The following CSMD1 variants were observed in gnomAD, a reference collection of about 807,000 sequenced individuals.
The protein encoded by CSMD1 is CUB and Sushi multiple domains 1.
In CSMD1, 213 loss-of-function variants were observed where a neutral mutation model predicts 417.5. That is an observed-to-expected ratio of 0.51 (90% confidence interval 0.46 to 0.57). CSMD1 has a LOEUF of 0.57. Among genes scored for constraint, CSMD1 ranks in the 20% least tolerant of loss-of-function variants. The pLI is 0.00. For synonymous variants in CSMD1, 2,862 were observed against 1,736.8 expected (o/e 1.65, Z -16.11); for missense variants, 6,923 against 4,529.7 (o/e 1.53, Z -15.17).
At chr8:4,605,033 C>G (rs1734482126) in intron 2 of CSMD1, among the ~76,000 whole-genome samples, 1 of 152,172 alleles carries the variant, frequency 6.6e-6, no homozygotes, top group African/African-American at 2.4e-5. Flanking sequence ...CCCATGATAT[C>G]TGTGGCTGGC....
chr8:4,135,324 G>A (rs537723000), intron 3 of CSMD1, among the ~76,000 whole-genome samples: 50 of 91,594 alleles, frequency 5.5e-4, no homozygotes, highest in African/African-American at 1.7e-3. Flanking sequence ...AGGGAGGAGC[G>A]AAGGAAGGGG....
At chr8:3,564,964 G>C (rs1171013403) in intron 10 of CSMD1, among the ~76,000 whole-genome samples, 1 of 150,622 alleles carries the variant, frequency 6.6e-6, no homozygotes, top group East Asian at 2.0e-4. Flanking sequence ...TAAGATTAAT[G>C]ATGAATAGCT....
At chr8:4,614,406 G>T (rs1274540658) in intron 2 of CSMD1, among the ~76,000 whole-genome samples, 3 of 152,128 alleles carry the variant, frequency 2.0e-5, no homozygotes, top group Non-Finnish European at 4.4e-5. Context: ...AGATATTAAG[G>T]TCAGAAAATC....
At chr8:4,198,086 C>G (rs559532676) in intron 3 of CSMD1, among the ~76,000 whole-genome samples, 1 of 152,192 alleles carries the variant, frequency 6.6e-6, no homozygotes, top group Admixed American at 6.5e-5. Flanking sequence ...CGAGGGAAGT[C>G]TGGGAGTCTG....
intron 3 of CSMD1, among the ~76,000 whole-genome samples, chr8:4,182,027 T>A (rs1371199104): frequency 1.7e-5 from 2 of 116,658 alleles, no homozygotes; most frequent in East Asian, 2.3e-4. Flanking sequence ...TACACACCCG[T>A]GTGTGTGTGT....
chr8:4,453,976 C>T (rs1014094379), intron 2 of CSMD1, among the ~76,000 whole-genome samples: 2 of 151,566 alleles, frequency 1.3e-5, no homozygotes, highest in African/African-American at 4.8e-5. Context: ...CGCCCGCCAC[C>T]GCGCCCGGCT....
chr8:4,113,393 T>C, intron 3 of CSMD1, among the ~76,000 whole-genome samples: 1 of 6,068 alleles, frequency 1.6e-4, no homozygotes, highest in Non-Finnish European at 8.4e-4. Context: ...AAAAGGGCTT[T>C]TTTTTTTTTT....
At chr8:4,574,975 T>C (rs1328612264) in intron 2 of CSMD1, among the ~76,000 whole-genome samples, 1 of 152,210 alleles carries the variant, frequency 6.6e-6, no homozygotes, top group Non-Finnish European at 1.5e-5. Flanking sequence ...GAAATTCAGG[T>C]GAAATTCGGT....
At chr8:3,174,947 G>A (rs1024638918) in intron 37 of CSMD1, among the ~76,000 whole-genome samples, 1 of 151,962 alleles carries the variant, frequency 6.6e-6, no homozygotes, top group Non-Finnish European at 1.5e-5. Context: ...ATTTGTTCAT[G>A]ACATATTTTT....
chr8:3,292,268 A>G (rs943798843), intron 25 of CSMD1, among the ~76,000 whole-genome samples: 2 of 152,160 alleles, frequency 1.3e-5, no homozygotes, highest in Non-Finnish European at 2.9e-5. Context: ...GTTTTGGAGT[A>G]GGTGTGGTGT....
chr8:3,497,688 C>A (rs1212978083), intron 10 of CSMD1, among the ~76,000 whole-genome samples: 1 of 152,186 alleles, frequency 6.6e-6, no homozygotes, highest in Non-Finnish European at 1.5e-5. Context: ...TATGCCTTTA[C>A]AGGTGCAGTG....
chr8:3,752,730 C>T (rs932474958), intron 6 of CSMD1, among the ~76,000 whole-genome samples: 8 of 149,480 alleles, frequency 5.4e-5, no homozygotes, highest in African/African-American at 1.2e-4. Flanking sequence ...CGAATTTGCC[C>T]CTGGATTCTG....
chr8:4,705,542 T>C (rs1245844551), intron 1 of CSMD1, among the ~76,000 whole-genome samples: 1 of 152,214 alleles, frequency 6.6e-6, no homozygotes, highest in African/African-American at 2.4e-5. Flanking sequence ...TACCCCTAGA[T>C]TCTACTACGG....
chr8:4,767,763 G>C (rs547780601), intron 1 of CSMD1, among the ~76,000 whole-genome samples: 3 of 152,092 alleles, frequency 2.0e-5, no homozygotes, highest in African/African-American at 7.2e-5. Context: ...TATCCTTTGT[G>C]CAATTATTTG....
intron 3 of CSMD1, among the ~76,000 whole-genome samples, chr8:4,060,431 A>T (rs185619629): frequency 1.3e-5 from 2 of 152,188 alleles, no homozygotes; most frequent in African/African-American, 4.8e-5. Context: ...ATAGTGTTGG[A>T]AGTTCTGGCC....
intron 3 of CSMD1, among the ~76,000 whole-genome samples, chr8:4,271,836 G>A (rs1804618467): frequency 6.6e-6 from 1 of 152,122 alleles, no homozygotes; most frequent in East Asian, 1.9e-4. Flanking sequence ...GGTCCTGGCA[G>A]CGCTATTTGA....
chr8:4,504,257 T>C (rs528895798), intron 2 of CSMD1, among the ~76,000 whole-genome samples: 1 of 152,266 alleles, frequency 6.6e-6, no homozygotes, highest in South Asian at 2.1e-4. Context: ...GGATTCCATT[T>C]CCATGGGGAA....
intron 5 of CSMD1, among the ~76,000 whole-genome samples, chr8:3,926,075 A>C (rs2930367): frequency 0.021 from 513 of 23,956 alleles, no homozygotes; most frequent in East Asian, 0.045. Flanking sequence ...CACACACACA[A>C]ACACCATACA....
intron 5 of CSMD1, among the ~76,000 whole-genome samples, chr8:3,894,452 ATCT>A (rs1339432413): frequency 6.6e-6 from 1 of 152,224 alleles, no homozygotes; most frequent in African/African-American, 2.4e-5. Context: ...AAAGAAAATA[ATCT>A]TGAATTATCT....
Sources: allele counts gnomAD v4.1 joint callset (sites outside exome capture counted in the v4.1 genomes callset), GRCh38; gene constraint gnomAD v4.1.1; transcripts MANE v1.5; gene names NCBI Gene and HGNC (gene_info 2026-07-23, HGNC 2026-07-21).